EPB41L3: variants seen among roughly 807,000 people sequenced by gnomAD.
EPB41L3 encodes erythrocyte membrane protein band 4.1 like 3.
A neutral mutation model predicts 127.1 loss-of-function variants in EPB41L3; 57 were observed. The observed-to-expected ratio is 0.45, with a 90% CI of 0.36 to 0.56. The LOEUF is 0.56. Among genes scored for constraint, EPB41L3 ranks in the 20% least tolerant of loss-of-function variants. EPB41L3 has a pLI of 0.00. For synonymous variants in EPB41L3, 572 were observed against 549.5 expected (o/e 1.04, Z -0.57); for missense variants, 1,273 against 1,372.2 (o/e 0.93, Z 1.14).
At chr18:5,598,411 T>A (rs2094557422) in intron 3 of EPB41L3, among the ~76,000 whole-genome samples, 1 of 152,204 alleles carries the variant, frequency 6.6e-6, no homozygotes, top group Non-Finnish European at 1.5e-5. Flanking sequence ...TTACTTTTCA[T>A]AAAAGTATGT....
intron 1 of EPB41L3, among the ~76,000 whole-genome samples, chr18:5,530,737 C>T (rs1330761699): frequency 6.6e-6 from 1 of 152,174 alleles, no homozygotes; most frequent in Non-Finnish European, 1.5e-5. Flanking sequence ...AGGTTGGACA[C>T]CACTCCCTCT....
chr18:5,452,256 G>T (rs966073218), intron 3 of EPB41L3, among the ~76,000 whole-genome samples: 2 of 152,038 alleles, frequency 1.3e-5, no homozygotes, highest in Admixed American at 1.3e-4. Context: ...TAAATATGAG[G>T]ACTCTAAAAA....
chr18:5,432,608 G>A (rs988964384), intron 8 of EPB41L3, among the ~76,000 whole-genome samples: 6 of 152,048 alleles, frequency 3.9e-5, no homozygotes, highest in African/African-American at 1.4e-4. Flanking sequence ...TTTATTCTGG[G>A]CTGTTTAAAA....
chr18:5,437,607 C>A (rs941302422), intron 6 of EPB41L3, among the ~76,000 whole-genome samples: 6 of 152,096 alleles, frequency 3.9e-5, no homozygotes, highest in Non-Finnish European at 4.4e-5. Context: ...CTTGTATATA[C>A]AGGACATAGA....
chr18:5,433,491 C>T lies in EPB41L3; in HGVS notation c.890G>A (p.Gly297Glu). 3.1e-6 allele frequency: 5 copies of T among 1,613,190 alleles called. No homozygotes were observed. The highest frequency in any genetic ancestry group is 4.2e-6 in the Non-Finnish European group (5 of 1,179,464). ...TACCTTAGCATGATGTAAATCTACC[C>T]CATACATTGATAATTTTTTGGCATT... is the stretch of plus-strand genomic sequence containing the variant. Reference protein sequence around the residue: ...LENAKKLSMYGVDLHHAKDSE... With the variant: ...LENAKKLSMYEVDLHHAKDSE... The change falls in exon 8 of 23, where the codon GGG (glycine) becomes GAG (glutamate). Residue 297 changes from glycine (G) to glutamate (E), a missense_variant. Physicochemically the swap from Gly to Glu is moderately conservative, Grantham distance 98. Coordinates refer to ENST00000341928, the MANE Select transcript of EPB41L3 (RefSeq NM_012307.5).
At chr18:5,445,426 GGGCGAA>G in intron 3 of EPB41L3, among the ~76,000 whole-genome samples, 182 bp from the exon 4 acceptor site, 1 of 152,300 alleles carries the variant, frequency 6.6e-6, no homozygotes, top group East Asian at 1.9e-4. Context: ...TGGCAGGGGA[GGGCGAA>G]GGCTTCAACC....
rs533462490 is a variant in EPB41L3, at chr18:5,397,161, A to G, written c.2738T>C (p.Val913Ala). Residue 913 changes from valine to alanine, a missense_variant, in exon 18 of 23, where the codon GTC becomes GCC. Around this residue, in one of 3 missense-constraint regions of EPB41L3, gnomAD observed 765 missense variants for 782.9 expected, o/e 0.98. Transcript: ENST00000341928. The surrounding 1 kb of genome is among the most constrained non-coding windows in gnomAD (Gnocchi z 4.1). ...EEGGEEVAKAVLEQEETAAAS... is the reference protein window; with the variant it reads ...EEGGEEVAKAALEQEETAAAS... ...AGCGGCTGTCTCTTCCTGTTCCAGG[A>G]CAGCTTTAGCGACCTCCTCCCCTCC... The G allele has an allele frequency of 5.1e-5, 82 of 1,614,202 alleles. No individual in the cohort carries two copies. In the African/African-American group the frequency reaches 5.5e-4, roughly 11 times the overall value.
At chr18:5,586,824 T>C (rs1425503148) in intron 3 of EPB41L3, among the ~76,000 whole-genome samples, 2 of 152,300 alleles carry the variant, frequency 1.3e-5, no homozygotes, top group East Asian at 1.9e-4. Context: ...CTATGAAGCC[T>C]GACAACATAA....
At position 5,397,427 on chromosome 18, in the gene EPB41L3, C is replaced by A; in HGVS notation, c.2473-1G>T. 6.2e-7 allele frequency: 1 copy of A among 1,603,466 alleles called. No homozygotes were observed. The highest frequency in any genetic ancestry group is 1.1e-5 in the South Asian group (1 of 89,832). On this transcript the variant is annotated splice_acceptor_variant, in intron 17 of 22. Transcript: ENST00000341928. LOFTEE classifies it high-confidence loss of function. This position sits in a 1 kb window ranked among gnomAD's most constrained non-coding sequence, Gnocchi z 4.1. ...TGGACTCCGTCTTGGTTTCCATTTT[C>A]TGCATGGGAAGAGATTGTGGCATCA...
rs899214144 is a variant in EPB41L3, at chr18:5,543,059, G to A, written c.-12+854C>T. Among the ~76,000 whole-genome samples, 2 of 151,914 alleles carry A rather than the reference G, an allele frequency of 1.3e-5. No individual in the cohort carries two copies. The highest frequency in any genetic ancestry group is 4.8e-5 in the African/African-American group (2 of 41,422). On this transcript the variant is annotated intron_variant, in intron 1 of 22. Transcript: ENST00000341928. The surrounding 1 kb of genome is among the most constrained non-coding windows in gnomAD (Gnocchi z 5.2). Reference sequence around the variant, plus strand: ...GAGAATCGCGGCCCCGAGGGCGCCAGGTGAGTCGCGCCGCCCCGAGCCCCC... The same window carrying A: ...GAGAATCGCGGCCCCGAGGGCGCCAAGTGAGTCGCGCCGCCCCGAGCCCCC...
At position 5,561,029 on chromosome 18, in the gene EPB41L3, G is replaced by A. The variant is rs568176820; in HGVS notation, c.-306+51311C>T. On this transcript the variant is annotated intron_variant, in intron 3 of 21. Coordinates refer to the EPB41L3 transcript ENST00000545076. ...GTCTCGCTCTGTCGCCCAGGCTGGAGTGCAGTGGCGCGATCGCGGCTCACT... is the reference window on the plus strand; with the variant it reads ...GTCTCGCTCTGTCGCCCAGGCTGGAATGCAGTGGCGCGATCGCGGCTCACT... 2.3e-5 allele frequency among the ~76,000 whole-genome samples: 3 copies of A among 129,146 alleles called. 1 individual carries two copies. The highest frequency in any genetic ancestry group is 5.6e-5 in the African/African-American group (2 of 35,834). The allele number at this position is 129,146 out of a possible 152,430, so 84.7% of individuals were successfully genotyped here.
intron 3 of EPB41L3, among the ~76,000 whole-genome samples, chr18:5,561,733 G>T (rs1055213867): frequency 1.3e-5 from 2 of 152,126 alleles, no homozygotes; most frequent in Non-Finnish European, 2.9e-5. Context: ...ACTTATTATC[G>T]CAAAGGGAAA....
intron 3 of EPB41L3, among the ~76,000 whole-genome samples, chr18:5,592,409 C>G (rs1009577419): frequency 3.3e-5 from 5 of 152,218 alleles, no homozygotes. Context: ...TCATGATCCA[C>G]CTGCCTTGGC....
chr18:5,578,780 G>A (rs969453498), intron 3 of EPB41L3, among the ~76,000 whole-genome samples: 1 of 152,136 alleles, frequency 6.6e-6, no homozygotes, highest in Non-Finnish European at 1.5e-5. Context: ...ACAATTCCAG[G>A]TGTTGGAAGG....
intron 3 of EPB41L3, chr18:5,612,278 G>A (rs1038658336): frequency 6.6e-6 from 1 of 152,200 alleles, no homozygotes; most frequent in African/African-American, 2.4e-5. Flanking sequence ...ATTCTCAGCA[G>A]ATAGTAGGAT....
intron 3 of EPB41L3, among the ~76,000 whole-genome samples, chr18:5,565,234 TAA>T (rs542697365): frequency 2.0e-4 from 26 of 131,684 alleles, no homozygotes; most frequent in Admixed American, 3.0e-4. Context: ...CCATCTCTAC[TAA>T]AAAAAAAAAA....
At chr18:5,434,212 C>T (rs2079405448) in intron 6 of EPB41L3, 91 bp from the exon 7 acceptor site, 1 of 971,080 alleles carries the variant, frequency 1.0e-6, no homozygotes, top group South Asian at 1.4e-5. Flanking sequence ...CAAATAATTT[C>T]TCCCTGTAGA....
intron 1 of EPB41L3, among the ~76,000 whole-genome samples, chr18:5,519,259 C>G (rs1031425994): frequency 1.4e-4 from 21 of 152,322 alleles, no homozygotes; most frequent in African/African-American, 5.1e-4. Flanking sequence ...AGAAGACGCC[C>G]CTGCGTGTGC....
intron 3 of EPB41L3, among the ~76,000 whole-genome samples, chr18:5,610,425 C>A (rs911667758): frequency 6.6e-5 from 10 of 152,096 alleles, no homozygotes; most frequent in Non-Finnish European, 1.5e-4. Context: ...CCAAAGTGAT[C>A]TCTCATGAAC....
Sources: allele counts gnomAD v4.1 joint callset (sites outside exome capture counted in the v4.1 genomes callset), GRCh38; gene constraint gnomAD v4.1.1; regional missense constraint gnomAD v4.1.1; non-coding constraint Gnocchi (gnomAD v3.1); transcripts MANE v1.5; gene names NCBI Gene and HGNC (gene_info 2026-07-23, HGNC 2026-07-21).